The following TNNI3K variants were observed in gnomAD, a reference collection of about 807,000 sequenced individuals.
TNNI3K encodes serine/threonine-protein kinase TNNI3K.
TNNI3K carries 140 observed loss-of-function variants against 114.5 expected under a neutral mutation model. That is an observed-to-expected ratio of 1.22 (90% CI 1.07 to 1.41). The LOEUF is 1.41. Among genes scored for constraint, TNNI3K ranks in the 40% most tolerant of loss-of-function variants. The pLI, the probability that TNNI3K is intolerant of heterozygous loss-of-function variation, is 0.00. For missense variants in TNNI3K, 1,125 were observed against 1,007.6 expected, an observed-to-expected ratio of 1.12 and a Z score of -1.58; for synonymous variants, 347 against 347.5, an observed-to-expected ratio of 1.00 and a Z score of 0.02.
At chr1:74,484,112 T>G (rs78003146) in intron 21 of TNNI3K, among the ~76,000 whole-genome samples, 1 of 152,052 alleles carries the variant, frequency 6.6e-6, no homozygotes, top group African/African-American at 2.4e-5. Flanking sequence ...AACTTTACCT[T>G]TATTTTAAAG....
intron 2 of TNNI3K, among the ~76,000 whole-genome samples, chr1:74,239,523 C>T (rs1265295654): frequency 1.3e-5 from 2 of 152,080 alleles, no homozygotes; most frequent in East Asian, 3.9e-4. Context: ...TGTTGCCTGA[C>T]ATCAGCCTTT....
chr1:74,459,633 T>C (rs544117549), intron 20 of TNNI3K, among the ~76,000 whole-genome samples: 46 of 152,258 alleles, frequency 3.0e-4, no homozygotes, highest in Non-Finnish European at 6.0e-4. Flanking sequence ...TTATTTTTGG[T>C]TTATTATCAC....
chr1:74,272,223 A>G (rs372703343), intron 5 of TNNI3K, among the ~76,000 whole-genome samples: 4 of 152,050 alleles, frequency 2.6e-5, no homozygotes, highest in South Asian at 4.1e-4. Flanking sequence ...TGCTGGGATG[A>G]CAGTAGCAAG....
chr1:74,504,000 G>T (rs911948184), intron 23 of TNNI3K, among the ~76,000 whole-genome samples: 1 of 152,108 alleles, frequency 6.6e-6, no homozygotes, highest in African/African-American at 2.4e-5. Flanking sequence ...TCTCCATGAA[G>T]ATCCAAACAA....
chr1:74,395,645 A>G (rs1255133867), intron 17 of TNNI3K, among the ~76,000 whole-genome samples: 1 of 152,188 alleles, frequency 6.6e-6, no homozygotes, highest in African/African-American at 2.4e-5. Flanking sequence ...CAGAGTCCCA[A>G]TCCGTGGTTA....
At chr1:74,400,193 G>T (rs191894503) in intron 17 of TNNI3K, among the ~76,000 whole-genome samples, 1 of 152,182 alleles carries the variant, frequency 6.6e-6, no homozygotes, top group Non-Finnish European at 1.5e-5. Flanking sequence ...TATGGATTAG[G>T]AATAGACATC....
At chr1:74,425,549 C>G (rs9663048) in intron 17 of TNNI3K, among the ~76,000 whole-genome samples, 33,284 of 151,988 alleles carry the variant, frequency 0.22, 4,210 homozygotes, top group Middle Eastern at 0.33. Context: ...CTCATTCTTT[C>G]TTGCCCTTTA....
At chr1:74,319,484 T>TATAGAGAGATGGATTC (rs761077243) in intron 5 of TNNI3K, among the ~76,000 whole-genome samples, 66 of 152,140 alleles carry the variant, frequency 4.3e-4, no homozygotes, top group Non-Finnish European at 9.1e-4. Context: ...ATATCAAATA[T>TATAGAGAGATGGATTC]ATAGAGAGAT....
rs1463964155 is a variant in TNNI3K, at chr1:74,384,113, A to G, written c.1772+13721A>G. On this transcript the variant is annotated intron_variant, in intron 17 of 24. Transcript: ENST00000326637. ...AATAGCAATGCAATGTATTTTTCAG[A>G]TCACCTTACCATAGGAGCTGTACTT... is the stretch of plus-strand genomic sequence containing the variant. Among the ~76,000 whole-genome samples the G allele has an allele frequency of 2.0e-5, 3 of 152,192 alleles. No individual in the cohort carries two copies. The East Asian group carries it at 5.8e-4, about 29-fold the overall frequency.
chr1:74,304,012 A>T (rs1658479521), intron 5 of TNNI3K, among the ~76,000 whole-genome samples: 1 of 152,226 alleles, frequency 6.6e-6, no homozygotes, highest in Admixed American at 6.5e-5. Context: ...ACTTGATTGG[A>T]TGAGGAATTC....
chr1:74,520,454 C>T (rs547466839), intron 23 of TNNI3K, among the ~76,000 whole-genome samples: 2 of 151,894 alleles, frequency 1.3e-5, no homozygotes, highest in African/African-American at 2.4e-5. Context: ...ATGGAGAAAT[C>T]GACCTTCTCA....
intron 23 of TNNI3K, among the ~76,000 whole-genome samples, chr1:74,520,232 T>C (rs1270165374): frequency 6.6e-6 from 1 of 152,094 alleles, no homozygotes; most frequent in African/African-American, 2.4e-5. Context: ...TGATTATAAA[T>C]GATAATTCAG....
At chr1:74,435,926 C>A (rs1269219706) in intron 17 of TNNI3K, among the ~76,000 whole-genome samples, 154 bp from the exon 18 acceptor site, 1 of 151,858 alleles carries the variant, frequency 6.6e-6, no homozygotes, top group Non-Finnish European at 1.5e-5. Flanking sequence ...TTTGAATCAG[C>A]AAAACTAAAA....
intron 11 of TNNI3K, among the ~76,000 whole-genome samples, chr1:74,361,520 T>G (rs1661966087): frequency 1.3e-5 from 2 of 152,224 alleles, no homozygotes; most frequent in South Asian, 4.1e-4. Flanking sequence ...CAAAAATGTA[T>G]TGCCAACCTA....
intron 17 of TNNI3K, among the ~76,000 whole-genome samples, chr1:74,403,802 AT>A (rs1280818470): frequency 6.6e-6 from 1 of 152,214 alleles, no homozygotes; most frequent in African/African-American, 2.4e-5. Flanking sequence ...AATGAGAAAC[AT>A]AGTTGAAAGA....
At chr1:74,313,174 A>G (rs1326647373) in intron 5 of TNNI3K, among the ~76,000 whole-genome samples, 1 of 152,140 alleles carries the variant, frequency 6.6e-6, no homozygotes, top group Non-Finnish European at 1.5e-5. Context: ...AAAATTCAAT[A>G]CAGGCATTAT....
chr1:74,293,672 T>C (rs915247352), intron 5 of TNNI3K, among the ~76,000 whole-genome samples: 1 of 151,772 alleles, frequency 6.6e-6, no homozygotes, highest in African/African-American at 2.4e-5. Flanking sequence ...CTTAGTTTTC[T>C]ATTTCTTTTT....
At chr1:74,325,689 G>A (rs79525495) in intron 5 of TNNI3K, among the ~76,000 whole-genome samples, 30 of 152,178 alleles carry the variant, frequency 2.0e-4, no homozygotes, top group African/African-American at 6.7e-4. Flanking sequence ...GTGAATAGGA[G>A]GTGAGGAAAG....
chr1:74,445,233 A>C (rs958788690), intron 20 of TNNI3K, among the ~76,000 whole-genome samples: 8 of 106,784 alleles, frequency 7.5e-5, no homozygotes, highest in Non-Finnish European at 1.4e-4. Context: ...TTTTTTTTTT[A>C]TTATACTTTA....
Sources: allele counts gnomAD v4.1 joint callset (sites outside exome capture counted in the v4.1 genomes callset), GRCh38; gene constraint gnomAD v4.1.1; transcripts MANE v1.5; gene names NCBI Gene and HGNC (gene_info 2026-07-23, HGNC 2026-07-21).